TRPV6: variants seen among roughly 807,000 people sequenced by gnomAD.
TRPV6 encodes the protein transient receptor potential cation channel subfamily V member 6.
TRPV6 carries 39 observed loss-of-function variants against 79.0 expected under a neutral mutation model. The ratio of observed to expected loss-of-function variants is 0.49; its 90% confidence interval spans 0.38 to 0.64. TRPV6 has a LOEUF of 0.64. Ranked by LOEUF, TRPV6 falls within the 30% of genes least tolerant of loss-of-function variation. TRPV6 has a pLI of 0.00. For missense variants in TRPV6, 813 were observed against 1,011.1 expected (o/e 0.80, Z 2.66); for synonymous variants, 373 against 391.9 (o/e 0.95, Z 0.57).
At chr7:142,876,365 G>A (rs775527015) in intron 6 of TRPV6, 43 bp downstream of exon 6, 2 of 1,592,974 alleles carry the variant, frequency 1.3e-6, no homozygotes, top group Non-Finnish European at 8.6e-7. Context: ...GATAGGTTGA[G>A]GGTCATTAGA....
chr7:142,872,629 C>G, intron 13 of TRPV6, 151 bp from the exon 14 acceptor site: 1 of 779,268 alleles, frequency 1.3e-6, no homozygotes, highest in South Asian at 1.7e-5. Flanking sequence ...ACATCCATGA[C>G]GCAGCCAGGC....
rs1400011168 is a variant in TRPV6 at position 142,875,176 on chromosome 7, G to A, written c.1243-12C>T. On this transcript the variant is annotated splice_polypyrimidine_tract_variant and intron_variant, in intron 8 of 14. Coordinates refer to ENST00000359396, the MANE Select transcript of TRPV6 (RefSeq NM_018646.6). ...GTCATGTAGGCTTCCTAATGGGGGA[G>A]AAGAACAGTCAAAATGCTCAGGGCT... 6.2e-7 allele frequency: 1 copy of A among 1,613,784 alleles called. No homozygotes were observed. Among genetic ancestry groups the A allele is most frequent in the African/African-American group, 1.3e-5 (1 of 74,848 alleles).
intron 1 of TRPV6, chr7:142,880,499 G>C (rs1021787045): frequency 6.6e-6 from 1 of 152,196 alleles, no homozygotes; most frequent in African/African-American, 2.4e-5. Context: ...GACCAAATGT[G>C]TGAAAGATTG....
intron 6 of TRPV6, 85 bp downstream of exon 6, chr7:142,876,323 G>A (rs919450157): frequency 2.3e-5 from 34 of 1,507,810 alleles, no homozygotes; most frequent in East Asian, 2.4e-5. Flanking sequence ...ATCAGGGATC[G>A]CGTTCACCTC....
Position 142,871,896 on chromosome 7 carries a change from T to C in TRPV6, c.2109A>G (p.Ser703=). The C allele has an allele frequency of 6.2e-7, 1 of 1,614,212 alleles. No homozygotes were observed. The highest frequency in any genetic ancestry group is 2.2e-5 in the East Asian group (1 of 44,884). The stretch of plus-strand genomic sequence containing the variant: ...GACAGCCCAGCTCTAGTTTTTCCAC[T>C]GAGTCTTTGTCCAAATCCTCAGAGC... Residue 703 remains serine, a synonymous_variant, in exon 15 of 15, where the codon TCA becomes TCG. Coordinates refer to ENST00000359396, the MANE Select transcript of TRPV6 (RefSeq NM_018646.6).
intron 1 of TRPV6, 130 bp downstream of exon 1, chr7:142,885,259 C>G: frequency 8.8e-7 from 1 of 1,133,826 alleles, no homozygotes; most frequent in Non-Finnish European, 1.2e-6. Context: ...TCCCAAGGAG[C>G]CAGTCCGGGC....
intron 13 of TRPV6, 96 bp from the exon 14 acceptor site, chr7:142,872,574 G>C (rs1794966782): frequency 8.1e-7 from 1 of 1,227,188 alleles, no homozygotes; most frequent in Non-Finnish European, 1.2e-6. Flanking sequence ...CAGTGGGAGA[G>C]AGTTGATAGA....
intron 6 of TRPV6, 79 bp from the exon 7 acceptor site, chr7:142,875,983 A>C: frequency 6.8e-7 from 1 of 1,472,340 alleles, no homozygotes. Context: ...CATGTGCAGG[A>C]GGACGGCACC....
intron 7 of TRPV6, 39 bp from the exon 8 acceptor site, chr7:142,875,719 C>A: frequency 3.1e-6 from 5 of 1,600,060 alleles, no homozygotes; most frequent in Non-Finnish European, 2.6e-6. Context: ...GAGACCCTGA[C>A]ACCCCTCCCC....
chr7:142,885,258 G>T, intron 1 of TRPV6, 131 bp downstream of exon 1: 1 of 1,116,314 alleles, frequency 9.0e-7, no homozygotes, highest in Non-Finnish European at 1.3e-6. Flanking sequence ...CTCCCAAGGA[G>T]CCAGTCCGGG....
At chr7:142,877,117 C>T in intron 4 of TRPV6, 25 bp downstream of exon 4, 3 of 1,603,370 alleles carry the variant, frequency 1.9e-6, no homozygotes, top group Non-Finnish European at 2.6e-6. Flanking sequence ...AACTGCCCGT[C>T]CTCCAAGCCC....
rs758477043 is a variant in TRPV6 at position 142,876,770 on chromosome 7, A to T, written c.675T>A (p.His225Gln). The change falls in exon 5 of 15, where the codon CAT becomes CAA. Residue 225 changes from histidine (H) to glutamine (Q), a missense_variant. His to Gln is a conservative substitution (Grantham distance 24). This residue lies in a region of TRPV6 where 555 missense variants were observed against 631.0 expected (regional missense o/e 0.88). Coordinates refer to ENST00000359396, the MANE Select transcript of TRPV6 (RefSeq NM_018646.6). ...AGTCCTGGGCCCGGATGTCAGCTCC[A>T]TGCTCAATGAGCAGCCGCACGATCT... 17 of 1,614,026 alleles carry T rather than the reference A, an allele frequency of 1.1e-5. 1 individual carries two copies. The highest frequency in any genetic ancestry group is 1.6e-4 in the Middle Eastern group (1 of 6,062).
rs1236518484 is a variant in TRPV6, at chr7:142,885,665, C to T, written c.-29G>A. On this transcript the variant is annotated 5_prime_UTR_variant, in exon 1 of 15. Transcript: ENST00000359396. ...CTGTCTCCTGCCTTCCTGACGAGTTCCTTGGGAGTCTCCCAGCAGCCCCAG... is the reference window on the plus strand; with the variant it reads ...CTGTCTCCTGCCTTCCTGACGAGTTTCTTGGGAGTCTCCCAGCAGCCCCAG... 6.3e-6 allele frequency: 7 copies of T among 1,112,584 alleles called. No individual in the cohort carries two copies. Among genetic ancestry groups the T allele is most frequent in the Non-Finnish European group, 8.7e-6 (7 of 806,448 alleles). The allele number at this position is 1,112,584 out of a possible 1,614,324, so 68.9% of individuals were successfully genotyped here.
intron 10 of TRPV6, 104 bp from the exon 11 acceptor site, chr7:142,874,760 C>G: frequency 2.6e-6 from 4 of 1,552,398 alleles, no homozygotes; most frequent in Non-Finnish European, 3.5e-6. Flanking sequence ...CAGATTCAGC[C>G]TCCCCACACT....
Position 142,873,984 on chromosome 7 carries a change from ACTC to A in TRPV6, c.1639+89_1639+91del, listed in dbSNP as rs1281649382. On this transcript the variant is annotated intron_variant, in intron 12 of 14. Coordinates refer to ENST00000359396, the MANE Select transcript of TRPV6 (RefSeq NM_018646.6). This position sits in a 1 kb window ranked among gnomAD's most constrained non-coding sequence, Gnocchi z 4.8. The stretch of plus-strand genomic sequence containing the variant: ...ATAGGTCTCCTCTGATCTCTGCATT[ACTC>A]CTCCTCCCCAAGTTTAGCCAGAGCC... 8.6e-6 allele frequency: 12 copies of A among 1,397,080 alleles called. No homozygotes were observed. In the Admixed American group the frequency reaches 1.2e-4, roughly 13 times the overall value. 86.5% of individuals were successfully genotyped at this position (1,397,080 alleles called of 1,614,324 possible).
At position 142,871,580 on chromosome 7, in the gene TRPV6, G is replaced by A. The variant is rs1035798049; in HGVS notation, c.*127C>T. 77 of 1,160,650 alleles carry A rather than the reference G, an allele frequency of 6.6e-5. No homozygotes were observed. The highest frequency in any genetic ancestry group is 2.2e-4 in the African/African-American group (14 of 64,752). 71.9% of individuals were successfully genotyped at this position (1,160,650 alleles called of 1,614,324 possible). ...TGATTCTCAACGTACATTCCTTGGC[G>A]TTCATGCTACTCCTCTTTCTCCCCT... On this transcript the variant is annotated 3_prime_UTR_variant, in exon 15 of 15. Coordinates refer to ENST00000359396, the MANE Select transcript of TRPV6 (RefSeq NM_018646.6).
Position 142,871,891 on chromosome 7 carries a change from TC to T in TRPV6, c.2113del (p.Glu705LysfsTer3). The T allele has an allele frequency of 6.2e-7, 1 of 1,614,192 alleles. No homozygotes were observed. Among genetic ancestry groups the T allele is most frequent in the Non-Finnish European group, 8.5e-7 (1 of 1,180,030 alleles). ...GAAGGGACAGCCCAGCTCTAGTTTT[TC>T]CACTGAGTCTTTGTCCAAATCCTCA... On this transcript the variant is annotated frameshift_variant, in exon 15 of 15. Coordinates refer to ENST00000359396, the MANE Select transcript of TRPV6 (RefSeq NM_018646.6). LOFTEE classifies it low-confidence loss of function (END_TRUNC).
intron 1 of TRPV6, chr7:142,884,131 C>A (rs190400742): frequency 1.3e-5 from 2 of 151,514 alleles, no homozygotes; most frequent in Non-Finnish European, 1.5e-5. Flanking sequence ...CCAGTGAGGA[C>A]GACCTACTCT....
intron 4 of TRPV6, 128 bp downstream of exon 4, chr7:142,877,014 C>A: frequency 6.9e-7 from 1 of 1,454,242 alleles, no homozygotes; most frequent in Non-Finnish European, 9.2e-7. Context: ...CTAATTAAGC[C>A]CTAGAAGGAT....
Sources: gnomAD v4.1 joint callset for allele counts on GRCh38, gnomAD v4.1.1 for gene constraint, gnomAD v4.1.1 regional missense constraint, Gnocchi (gnomAD v3.1) non-coding constraint, MANE v1.5 for transcripts, NCBI Gene and HGNC (gene_info 2026-07-23, HGNC 2026-07-21) for gene names.